The following LRMDA variants were observed in gnomAD, a reference collection of about 807,000 sequenced individuals.
LRMDA encodes the protein leucine-rich melanocyte differentiation-associated protein.
LRMDA carries 18 observed loss-of-function variants against 29.8 expected under a neutral mutation model. The ratio of observed to expected loss-of-function variants is 0.60; its 90% CI spans 0.42 to 0.90. The LOEUF (loss-of-function observed/expected upper bound fraction) is 0.90. Ranked by LOEUF, LRMDA falls within the 40% of genes least tolerant of loss-of-function variation. The pLI is 0.00. For synonymous variants in LRMDA, 125 were observed against 109.4 expected (o/e 1.14, Z -0.89); for missense variants, 273 against 273.9 (o/e 1.00, Z 0.02).
Position 75,977,994 on chromosome 10 carries a change from G to A in LRMDA, c.132-58014G>A, listed in dbSNP as rs532004740. 5.3e-5 allele frequency among the ~76,000 whole-genome samples: 8 copies of A among 152,344 alleles called. 1 individual carries two copies. In the South Asian group the frequency reaches 1.7e-3, roughly 32 times the overall value. Reference sequence around the variant, plus strand: ...GAATACTGCATATAAAGCGTTTGGAGGAGAGTGGTTTATAAATGGACACAT... The same window carrying A: ...GAATACTGCATATAAAGCGTTTGGAAGAGAGTGGTTTATAAATGGACACAT... On this transcript the variant is annotated intron_variant, in intron 2 of 6. Coordinates refer to ENST00000611255, the MANE Select transcript of LRMDA (RefSeq NM_001305581.2).
chr10:76,275,357 A>AT (rs1472728411), intron 5 of LRMDA, among the ~76,000 whole-genome samples: 2 of 151,150 alleles, frequency 1.3e-5, no homozygotes, highest in Non-Finnish European at 3.0e-5. Flanking sequence ...TCTTTGTATC[A>AT]TTTTTTTAAC....
intron 2 of LRMDA, among the ~76,000 whole-genome samples, chr10:75,659,422 T>A (rs1479215155): frequency 6.6e-6 from 1 of 152,172 alleles, no homozygotes; most frequent in African/African-American, 2.4e-5. Flanking sequence ...AAACTGTGTA[T>A]ATTCAAGACA....
At chr10:76,381,395 C>A (rs1297212553) in intron 6 of LRMDA, among the ~76,000 whole-genome samples, 1 of 151,996 alleles carries the variant, frequency 6.6e-6, no homozygotes, top group Admixed American at 6.6e-5. Flanking sequence ...TATATATCAC[C>A]AATACCTGTA....
intron 6 of LRMDA, among the ~76,000 whole-genome samples, chr10:76,527,516 C>G (rs1843190297): frequency 6.6e-6 from 1 of 152,158 alleles, no homozygotes; most frequent in Non-Finnish European, 1.5e-5. Context: ...ATTAGAGCCA[C>G]TGAGTAAAAA....
At chr10:75,656,110 A>G (rs931605579) in intron 2 of LRMDA, among the ~76,000 whole-genome samples, 1 of 152,240 alleles carries the variant, frequency 6.6e-6, no homozygotes, top group African/African-American at 2.4e-5. Flanking sequence ...CATAGTTCAC[A>G]TTCTATCTCA....
At position 76,119,716 on chromosome 10, in the gene LRMDA, A is replaced by C. The variant is rs528599637; in HGVS notation, c.516+60933A>C. ...TGTTTTCCCAAGGGACTTCCAGGAA[A>C]GCAGCACTCTGGAACTTTGTAATTC... On this transcript the variant is annotated intron_variant, in intron 5 of 6. Transcript: ENST00000611255. Among the ~76,000 whole-genome samples the C allele has an allele frequency of 4.6e-5, 7 of 152,304 alleles. No individual in the cohort carries two copies. The East Asian group carries it at 1.4e-3, about 29-fold the overall frequency.
chr10:75,831,836 G>A (rs552008874), intron 2 of LRMDA, among the ~76,000 whole-genome samples: 2 of 152,194 alleles, frequency 1.3e-5, no homozygotes, highest in African/African-American at 2.4e-5. Context: ...GCCAAAGCTT[G>A]GGGCTTCCAC....
At chr10:76,474,378 T>G (rs753197936) in intron 6 of LRMDA, among the ~76,000 whole-genome samples, 12 of 151,552 alleles carry the variant, frequency 7.9e-5, no homozygotes, top group Non-Finnish European at 1.5e-4. Context: ...ATAAGTAAAT[T>G]GGACTTCCTC....
At chr10:75,701,740 ATCT>A (rs769554585) in intron 2 of LRMDA, among the ~76,000 whole-genome samples, 14 of 152,086 alleles carry the variant, frequency 9.2e-5, no homozygotes, top group Non-Finnish European at 1.8e-4. Context: ...GTTTCTGGAA[ATCT>A]TCTTGTGCAG....
At chr10:75,844,854 T>G (rs1262197390) in intron 2 of LRMDA, among the ~76,000 whole-genome samples, 1 of 152,204 alleles carries the variant, frequency 6.6e-6, no homozygotes, top group Non-Finnish European at 1.5e-5. Context: ...TGAGCTGGGA[T>G]GTACATATGA....
intron 2 of LRMDA, among the ~76,000 whole-genome samples, chr10:76,013,537 T>C (rs1052851256): frequency 6.6e-6 from 1 of 151,956 alleles, no homozygotes; most frequent in African/African-American, 2.4e-5. Flanking sequence ...ACAAAGAAAG[T>C]GAGGGCCTTT....
intron 6 of LRMDA, among the ~76,000 whole-genome samples, chr10:76,349,169 G>T (rs1254476285): frequency 6.6e-6 from 1 of 152,172 alleles, no homozygotes; most frequent in Non-Finnish European, 1.5e-5. Flanking sequence ...GTCTGTAAAT[G>T]GAGATGTTCT....
At chr10:76,121,935 T>C (rs1451592061) in intron 5 of LRMDA, among the ~76,000 whole-genome samples, 1 of 152,148 alleles carries the variant, frequency 6.6e-6, no homozygotes, top group African/African-American at 2.4e-5. Context: ...TTCTAGGCAC[T>C]GGAGATACAG....
At chr10:76,382,799 G>C (rs1564526211) in intron 6 of LRMDA, among the ~76,000 whole-genome samples, 1 of 152,108 alleles carries the variant, frequency 6.6e-6, no homozygotes, top group African/African-American at 2.4e-5. Flanking sequence ...GGGAGTTTCT[G>C]CTCCCACTCT....
rs552747216 is a variant in LRMDA at position 75,577,613 on chromosome 10, T to A, written c.131+139119T>A. On this transcript the variant is annotated intron_variant, in intron 2 of 6. Coordinates refer to ENST00000611255, the MANE Select transcript of LRMDA (RefSeq NM_001305581.2). ...AGATTCACCAAGGTTGAAATGAAGG[T>A]AAAAATATTAAGGGCAGCCAGAGAG... Among the ~76,000 whole-genome samples the A allele has an allele frequency of 4.1e-4, 62 of 151,894 alleles. No homozygotes were observed. In the South Asian group the frequency reaches 9.4e-3, roughly 23 times the overall value.
At chr10:76,005,471 G>A (rs540389961) in intron 2 of LRMDA, among the ~76,000 whole-genome samples, 1 of 152,240 alleles carries the variant, frequency 6.6e-6, no homozygotes, top group Admixed American at 6.5e-5. Flanking sequence ...TTAAAATCAA[G>A]CCAGTTTCCT....
chr10:75,534,980 C>T (rs1293811130), intron 2 of LRMDA, among the ~76,000 whole-genome samples: 1 of 152,090 alleles, frequency 6.6e-6, no homozygotes, highest in African/African-American at 2.4e-5. Context: ...CTCAGAACCC[C>T]AAATAAATAA....
At chr10:75,918,648 A>C (rs772476975) in intron 2 of LRMDA, among the ~76,000 whole-genome samples, 1 of 152,206 alleles carries the variant, frequency 6.6e-6, no homozygotes. Context: ...TATCCAAACT[A>C]TATCAACTAT....
At chr10:76,441,185 T>C (rs1842299041) in intron 6 of LRMDA, among the ~76,000 whole-genome samples, 1 of 152,172 alleles carries the variant, frequency 6.6e-6, no homozygotes, top group Admixed American at 6.5e-5. Flanking sequence ...CTCTCTTCTC[T>C]CTCTTTCTCT....
Sources: allele counts gnomAD v4.1 joint callset (sites outside exome capture counted in the v4.1 genomes callset), GRCh38; gene constraint gnomAD v4.1.1; transcripts MANE v1.5; gene names NCBI Gene and HGNC (gene_info 2026-07-23, HGNC 2026-07-21).